Variants in ATP2B2 observed in about 807,000 individuals in gnomAD.
ATP2B2 encodes the protein plasma membrane calcium-transporting ATPase 2.
In ATP2B2, 15 loss-of-function variants were observed where a neutral mutation model predicts 120.0. The ratio of observed to expected loss-of-function variants is 0.12; its 90% CI spans 0.08 to 0.19. ATP2B2 has a LOEUF of 0.19. Ranked by LOEUF, ATP2B2 falls within the 10% of genes least tolerant of loss-of-function variation. The pLI is 1.00. For missense variants in ATP2B2, 1,045 were observed against 1,719.8 expected, an observed-to-expected ratio of 0.61 and a Z score of 6.94; for synonymous variants, 694 against 700.3, an observed-to-expected ratio of 0.99 and a Z score of 0.14.
intron 1 of ATP2B2, among the ~76,000 whole-genome samples, chr3:10,624,850 T>C (rs956732344): frequency 6.6e-6 from 1 of 152,228 alleles, no homozygotes; most frequent in African/African-American, 2.4e-5. Context: ...GTTTTTTAAA[T>C]GTTTTCCTTT....
chr3:10,698,553 A>G (rs946695254), intron 1 of ATP2B2, among the ~76,000 whole-genome samples: 11 of 152,202 alleles, frequency 7.2e-5, no homozygotes, highest in Admixed American at 6.5e-4. Flanking sequence ...CCTGCAGAAC[A>G]TCCCTCCTGG....
At chr3:10,679,840 A>G (rs2071339092) in intron 1 of ATP2B2, among the ~76,000 whole-genome samples, 1 of 152,186 alleles carries the variant, frequency 6.6e-6, no homozygotes, top group South Asian at 2.1e-4. Flanking sequence ...GGTAAACCCA[A>G]TGCAGGATTG....
chr3:10,606,922 GAGAGAGAGAGAGAGA>G (rs2069091156), intron 2 of ATP2B2, among the ~76,000 whole-genome samples: 4 of 104,690 alleles, frequency 3.8e-5, no homozygotes, highest in Non-Finnish European at 7.0e-5. Flanking sequence ...CAGAGAGAGA[GAGAGAGAGAGAGAGA>G]GGGAGAGGGA....
In ATP2B2 at chr3:10,512,461, T is replaced by C. The variant is rs1013460207; in HGVS notation, c.-320+21578A>G. 3.6e-3 allele frequency among the ~76,000 whole-genome samples: 369 copies of C among 102,982 alleles called. 8 individuals are homozygous for C. The highest frequency in any genetic ancestry group is 0.022 in the East Asian group (58 of 2,588). 67.6% of individuals were successfully genotyped at this position (102,982 alleles called of 152,430 possible). On this transcript the variant is annotated intron_variant, in intron 3 of 21. Coordinates refer to the ATP2B2 transcript ENST00000646379. The stretch of plus-strand genomic sequence containing the variant: ...GCATATTCCTGGGTGCTAAAGTGTG[T>C]GCGCACACACACACACACACACACA...
chr3:10,410,638 G>T lies in ATP2B2; in HGVS notation c.377C>A (p.Pro126Gln). 1 of 1,608,072 alleles carries T rather than the reference G, an allele frequency of 6.2e-7. No homozygotes were observed. Among genetic ancestry groups the T allele is most frequent in the Non-Finnish European group, 8.5e-7 (1 of 1,175,256 alleles). The change falls in exon 3 of 23, where the codon CCG (proline) becomes CAG (glutamine). Residue 126 changes from proline (P) to glutamine (Q), a missense_variant. Physicochemically the swap from Pro to Gln is moderately conservative, Grantham distance 76. Coordinates refer to ENST00000360273, the MANE Select transcript of ATP2B2 (RefSeq NM_001001331.4). ...IISLGLSFYH[P>Q]PGEGNEGCAT... is the part of the protein sequence containing the mutation. Reference sequence around the variant, plus strand: ...CTTACCTTCGTTGCCCTCGCCGGGCGGGTGGTAGAAGGACAGCCCCAGGGA... The same window carrying T: ...CTTACCTTCGTTGCCCTCGCCGGGCTGGTGGTAGAAGGACAGCCCCAGGGA...
intron 2 of ATP2B2, among the ~76,000 whole-genome samples, chr3:10,543,410 G>A (rs971502110): frequency 6.6e-6 from 1 of 152,144 alleles, no homozygotes; most frequent in African/African-American, 2.4e-5. Flanking sequence ...ACATGTCTAT[G>A]TAAGGCTGAA....
chr3:10,632,769 C>T (rs562674556), intron 1 of ATP2B2, among the ~76,000 whole-genome samples: 8 of 152,300 alleles, frequency 5.3e-5, no homozygotes, highest in Middle Eastern at 3.4e-3. Context: ...TGCACAGGGT[C>T]GGCCACTGAG....
rs2125519898 is a variant in ATP2B2, at chr3:10,375,264, A to C, written c.1416+166T>G. On this transcript the variant is annotated intron_variant, in intron 11 of 22. Coordinates refer to ENST00000360273, the MANE Select transcript of ATP2B2 (RefSeq NM_001001331.4). This position sits in a 1 kb window ranked among gnomAD's most constrained non-coding sequence, Gnocchi z 4.2. The stretch of plus-strand genomic sequence containing the variant: ...TGCTACAGGCCCCTGGACTCTATGA[A>C]AGCGTCAGAGTTTTGGGGTCCTGCA... Among the ~76,000 whole-genome samples the C allele has an allele frequency of 6.6e-6, 1 of 152,222 alleles. No individual in the cohort carries two copies. The highest frequency in any genetic ancestry group is 2.4e-5 in the African/African-American group (1 of 41,528).
At chr3:10,385,218 T>G in intron 8 of ATP2B2, 50 bp downstream of exon 8, 3 of 1,580,076 alleles carry the variant, frequency 1.9e-6, no homozygotes, top group Non-Finnish European at 2.6e-6. Context: ...GGGGTGGGGG[T>G]GAGAGACGCC....
chr3:10,533,295 C>A lies in ATP2B2; in HGVS notation c.-320+744G>T, dbSNP rs1294917088. 3.3e-5 allele frequency among the ~76,000 whole-genome samples: 5 copies of A among 152,122 alleles called. No homozygotes were observed. In the East Asian group the frequency reaches 9.6e-4, roughly 29 times the overall value. ...GTTCTGGCCTCAGAGAGATGGCTGCCCCATTTAACTAACATGCATCATGCA... is the reference window on the plus strand; with the variant it reads ...GTTCTGGCCTCAGAGAGATGGCTGCACCATTTAACTAACATGCATCATGCA... On this transcript the variant is annotated intron_variant, in intron 3 of 21. Transcript: ENST00000646379.
rs147696837 is a variant in ATP2B2, at chr3:10,419,556, G to A, written c.200-8741C>T. On this transcript the variant is annotated intron_variant, in intron 2 of 22. Transcript: ENST00000360273. Reference sequence around the variant, plus strand: ...CCTACCTAGATCGGGAGACCTGGTTGGCATCTACCTTTCCTTCCTATGTGA... The same window carrying A: ...CCTACCTAGATCGGGAGACCTGGTTAGCATCTACCTTTCCTTCCTATGTGA... Among the ~76,000 whole-genome samples the A allele has an allele frequency of 3.0e-3, 463 of 152,318 alleles. 3 individuals are homozygous for A. Among genetic ancestry groups the A allele is most frequent in the African/African-American group, 0.011 (437 of 41,568 alleles).
intron 1 of ATP2B2, among the ~76,000 whole-genome samples, chr3:10,468,606 C>G (rs1029586888): frequency 2.0e-5 from 3 of 152,208 alleles, no homozygotes; most frequent in Non-Finnish European, 2.9e-5. Context: ...ACCTGTAACC[C>G]TGGAAAGTGG....
At chr3:10,465,084 C>T (rs1575311094) in intron 1 of ATP2B2, among the ~76,000 whole-genome samples, 3 of 152,214 alleles carry the variant, frequency 2.0e-5, no homozygotes, top group South Asian at 4.1e-4. Context: ...TTGAAGATAC[C>T]CTGTCCTCAT....
At chr3:10,658,778 A>G (rs2070704960) in intron 1 of ATP2B2, among the ~76,000 whole-genome samples, 1 of 152,084 alleles carries the variant, frequency 6.6e-6, no homozygotes, top group African/African-American at 2.4e-5. Context: ...GAGCAACTCC[A>G]AGACACATAA....
At chr3:10,480,187 T>A (rs555603940) in intron 1 of ATP2B2, among the ~76,000 whole-genome samples, 1 of 152,304 alleles carries the variant, frequency 6.6e-6, no homozygotes, top group Non-Finnish European at 1.5e-5. Context: ...TCTATAAATT[T>A]TGGGTTTTCT....
intron 1 of ATP2B2, among the ~76,000 whole-genome samples, chr3:10,671,251 T>A (rs996540229): frequency 4.6e-5 from 7 of 151,524 alleles, no homozygotes; most frequent in African/African-American, 1.7e-4. Context: ...AGGGGTGGAG[T>A]GGCAGGCAGA....
intron 1 of ATP2B2, among the ~76,000 whole-genome samples, chr3:10,643,145 C>T (rs1365569212): frequency 6.6e-6 from 1 of 152,136 alleles, no homozygotes; most frequent in African/African-American, 2.4e-5. Flanking sequence ...GTAAGGACTC[C>T]CAGTGGCCAA....
At chr3:10,707,617 T>C (rs1198890937) in intron 1 of ATP2B2, among the ~76,000 whole-genome samples, 1 of 152,070 alleles carries the variant, frequency 6.6e-6, no homozygotes, top group Non-Finnish European at 1.5e-5. Flanking sequence ...CCGGAAAGTT[T>C]TCGCGCAGCA....
chr3:10,340,505 G>T lies in ATP2B2; in HGVS notation c.3117C>A (p.Thr1039=). The T allele has an allele frequency of 1.2e-6, 2 of 1,614,212 alleles. No homozygotes were observed. Among genetic ancestry groups the T allele is most frequent in the South Asian group, 2.2e-5 (2 of 91,084 alleles). The change falls in exon 20 of 23, where the codon ACC becomes ACA. Residue 1039 remains threonine (T), a synonymous_variant. Transcript: ENST00000360273. This position sits in a 1 kb window ranked among gnomAD's most constrained non-coding sequence, Gnocchi z 5.0. Reference sequence around the variant, plus strand: ...GGGGCCTCACTACCTGGATGGCAAAGGTGCCCAGCACGATGGTGCAGAAGA... The same window carrying T: ...GGGGCCTCACTACCTGGATGGCAAATGTGCCCAGCACGATGGTGCAGAAGA... The part of the protein sequence containing the change: ...NPIFCTIVLG[T]FAIQIVIVQF...
Sources: allele counts gnomAD v4.1 joint callset (sites outside exome capture counted in the v4.1 genomes callset), GRCh38; gene constraint gnomAD v4.1.1; non-coding constraint Gnocchi (gnomAD v3.1); transcripts MANE v1.5; gene names NCBI Gene and HGNC (gene_info 2026-07-23, HGNC 2026-07-21).